CHLSN: variants seen among roughly 807,000 people sequenced by gnomAD.
CHLSN encodes the protein protein cholesin.
chr7:1,126,935 C>T, the CHLSN span, among the ~76,000 whole-genome samples: 1 of 152,116 alleles, frequency 6.6e-6, no homozygotes. Flanking sequence ...CCCCTCGCAC[C>T]TTCCCAGGGC....
At chr7:1,033,774 G>A in the CHLSN span, among the ~76,000 whole-genome samples, 4 of 152,034 alleles carry the variant, frequency 2.6e-5, no homozygotes, top group Non-Finnish European at 5.9e-5. Flanking sequence ...AGTGAGGTGA[G>A]GAGACACCCA....
the CHLSN span, among the ~76,000 whole-genome samples, chr7:1,038,595 C>T: frequency 2.0e-5 from 2 of 102,326 alleles, no homozygotes; most frequent in African/African-American, 4.1e-5. Context: ...TCTGCCCGGC[C>T]GCCCCTACTG....
chr7:1,005,282 T>TC, the CHLSN span, among the ~76,000 whole-genome samples: 4 of 152,154 alleles, frequency 2.6e-5, no homozygotes, highest in African/African-American at 9.7e-5. Flanking sequence ...AGAGTGAGAC[T>TC]CCATCTCAAA....
chr7:1,106,265 C>T, the CHLSN span, among the ~76,000 whole-genome samples: 28 of 152,314 alleles, frequency 1.8e-4, no homozygotes, highest in African/African-American at 6.7e-4. Context: ...ACAGAGACAG[C>T]CACCTGGTCC....
the CHLSN span, among the ~76,000 whole-genome samples, chr7:1,064,577 G>A: frequency 6.6e-6 from 1 of 152,196 alleles, no homozygotes; most frequent in Non-Finnish European, 1.5e-5. Flanking sequence ...ACCTCACACA[G>A]GAGAACCGAA....
chr7:1,093,156 C>T, the CHLSN span: 3 of 596,592 alleles, frequency 5.0e-6, no homozygotes, highest in Non-Finnish European at 3.2e-6. Flanking sequence ...ACCCTGCCTG[C>T]CGCTGCACCT....
chr7:1,054,446 C>T, the CHLSN span, among the ~76,000 whole-genome samples: 2 of 152,256 alleles, frequency 1.3e-5, no homozygotes, highest in South Asian at 2.1e-4. Context: ...TGGAGGCCGG[C>T]GTTCCCAGGT....
chr7:983,022 C>T, the CHLSN span, among the ~76,000 whole-genome samples: 2 of 152,084 alleles, frequency 1.3e-5, no homozygotes, highest in Non-Finnish European at 2.9e-5. Context: ...CCACCAGGGC[C>T]TCAGCCCCAC....
chr7:997,574 G>T, the CHLSN span: 2 of 1,408,844 alleles, frequency 1.4e-6, no homozygotes, highest in Non-Finnish European at 1.9e-6. Context: ...CACCCTGTGT[G>T]GTCTGAGGCA....
the CHLSN span, among the ~76,000 whole-genome samples, chr7:1,126,712 G>A: frequency 5.9e-5 from 9 of 152,264 alleles, no homozygotes; most frequent in Middle Eastern, 6.8e-3. Context: ...CACTTTAGGA[G>A]AAGATGGCTC....
the CHLSN span, chr7:1,127,324 T>C: frequency 1.2e-6 from 2 of 1,610,846 alleles, no homozygotes; most frequent in South Asian, 2.2e-5. Flanking sequence ...TGCTGACGCC[T>C]TCTTCAGCTT....
chr7:1,027,440 C>A, the CHLSN span, among the ~76,000 whole-genome samples: 499 of 152,342 alleles, frequency 3.3e-3, 2 homozygotes, highest in African/African-American at 0.012. Flanking sequence ...CAGCGCAGGA[C>A]CAGCACGGGG....
At chr7:1,081,469 C>T in the CHLSN span, among the ~76,000 whole-genome samples, 5 of 152,236 alleles carry the variant, frequency 3.3e-5, no homozygotes, top group African/African-American at 9.6e-5. Context: ...ACGGCGGGCT[C>T]GAGCGGGGCT....
chr7:1,099,653 G>A, the CHLSN span, among the ~76,000 whole-genome samples: 2 of 152,210 alleles, frequency 1.3e-5, no homozygotes, highest in Non-Finnish European at 1.5e-5. Flanking sequence ...GAGTCTCTCT[G>A]GACTCCCTCA....
chr7:1,045,260 G>A, the CHLSN span: 1 of 152,236 alleles, frequency 6.6e-6, no homozygotes, highest in Non-Finnish European at 1.5e-5. Flanking sequence ...ATCTTGATGT[G>A]ACTGGTCACA....
the CHLSN span, among the ~76,000 whole-genome samples, chr7:1,041,233 T>C: frequency 0.044 from 5,616 of 128,582 alleles, 206 homozygotes; most frequent in Middle Eastern, 0.12. Flanking sequence ...GGCTCCGCGC[T>C]GCGGGGAAGG....
chr7:1,119,701 A>G, the CHLSN span, among the ~76,000 whole-genome samples: 1 of 152,168 alleles, frequency 6.6e-6, no homozygotes, highest in Admixed American at 6.5e-5. Flanking sequence ...ACAAGGCGAA[A>G]CCCTGTCTCT....
At chr7:1,092,589 G>A in the CHLSN span, 14 of 1,611,144 alleles carry the variant, frequency 8.7e-6, no homozygotes, top group South Asian at 5.5e-5. Context: ...TGCAGCGGAC[G>A]CAGCCTGGGG....
the CHLSN span, among the ~76,000 whole-genome samples, chr7:1,120,423 C>T: frequency 2.6e-5 from 4 of 152,280 alleles, no homozygotes; most frequent in South Asian, 8.3e-4. Context: ...TCCCTAGCAG[C>T]TGAGATTACA....
Sources: allele counts gnomAD v4.1 joint callset (sites outside exome capture counted in the v4.1 genomes callset), GRCh38; gene constraint gnomAD v4.1.1; transcripts MANE v1.5; gene names NCBI Gene and HGNC (gene_info 2026-07-23, HGNC 2026-07-21).